GPR149: variants seen among roughly 807,000 people sequenced by gnomAD.
The protein encoded by GPR149 is probable G protein-coupled receptor 149.
In GPR149, 50 loss-of-function variants were observed where a neutral mutation model predicts 50.2. The ratio of observed to expected loss-of-function variants is 1.00; its 90% CI spans 0.79 to 1.26. GPR149 has a LOEUF of 1.26. GPR149 is among the 50% of genes most tolerant of loss of function. The pLI, the probability that GPR149 is intolerant of heterozygous loss-of-function variation, is 0.00. For synonymous variants in GPR149, 405 were observed against 358.2 expected, an observed-to-expected ratio of 1.13 and a Z score of -1.48; for missense variants, 983 against 895.4, an observed-to-expected ratio of 1.10 and a Z score of -1.25.
chr3:154,340,945 C>A (rs935147156), intron 3 of GPR149, among the ~76,000 whole-genome samples: 3 of 152,126 alleles, frequency 2.0e-5, no homozygotes, highest in African/African-American at 7.2e-5. Context: ...TGGTCTCGAA[C>A]TCCTGACCTC....
intron 2 of GPR149, among the ~76,000 whole-genome samples, chr3:154,423,915 T>C (rs565709795): frequency 6.6e-6 from 1 of 151,932 alleles, no homozygotes; most frequent in South Asian, 2.1e-4. Context: ...TTGTTACATA[T>C]GTATACATGT....
intron 3 of GPR149, among the ~76,000 whole-genome samples, chr3:154,410,069 C>T (rs1426875817): frequency 6.6e-6 from 1 of 152,104 alleles, no homozygotes; most frequent in Admixed American, 6.5e-5. Context: ...GGATTGGGGT[C>T]CTACTTTTAG....
In GPR149 at chr3:154,429,874, A is replaced by C. The variant is rs746890540; in HGVS notation, c.-259T>G. Among the ~76,000 whole-genome samples the C allele has an allele frequency of 2.0e-5, 3 of 152,116 alleles. No individual in the cohort carries two copies. Among genetic ancestry groups the C allele is most frequent in the Non-Finnish European group, 4.4e-5 (3 of 68,022 alleles). Reference sequence around the variant, plus strand: ...TTTTCAACATTCCAATTAAAAACAAAGCAAAAACTCCTTCCCACCATCAAG... The same window carrying C: ...TTTTCAACATTCCAATTAAAAACAACGCAAAAACTCCTTCCCACCATCAAG... On this transcript the variant is annotated 5_prime_UTR_variant, in exon 1 of 4. Transcript: ENST00000389740.
intron 3 of GPR149, chr3:154,352,128 T>C (rs1297228864): frequency 1.4e-6 from 1 of 690,014 alleles, no homozygotes; most frequent in African/African-American, 1.8e-5. Flanking sequence ...AGATTAAGTA[T>C]CAAATATTCA....
chr3:154,342,217 G>A (rs1369576295), intron 3 of GPR149, among the ~76,000 whole-genome samples: 1 of 152,050 alleles, frequency 6.6e-6, no homozygotes, highest in East Asian at 1.9e-4. Flanking sequence ...AAAAGTGAAA[G>A]ACTAAAGGCA....
Position 154,414,204 on chromosome 3 carries a change from C to A in GPR149, c.1623+6835G>T, listed in dbSNP as rs565524395. Among the ~76,000 whole-genome samples the A allele has an allele frequency of 1.8e-3, 268 of 152,024 alleles. 2 individuals carry two copies. The highest frequency in any genetic ancestry group is 2.9e-3 in the Non-Finnish European group (196 of 67,924). The stretch of plus-strand genomic sequence containing the variant: ...GGGCTAAAAGACTGCACATTGGGTA[C>A]AGTGTACACTACTCGGGTGATGGGT... On this transcript the variant is annotated intron_variant, in intron 3 of 3. Coordinates refer to ENST00000389740, the MANE Select transcript of GPR149 (RefSeq NM_001038705.3).
At chr3:154,416,867 G>C (rs1250803564) in intron 3 of GPR149, among the ~76,000 whole-genome samples, 6 of 151,904 alleles carry the variant, frequency 3.9e-5, no homozygotes, top group Admixed American at 2.6e-4. Context: ...GCACCTTACA[G>C]ATCCTATAAT....
intron 3 of GPR149, among the ~76,000 whole-genome samples, chr3:154,355,321 C>T (rs184713402): frequency 2.4e-3 from 366 of 152,276 alleles, no homozygotes; most frequent in Middle Eastern, 0.01. Context: ...CCACCACGCC[C>T]GGCCACTTCA....
intron 3 of GPR149, among the ~76,000 whole-genome samples, chr3:154,347,640 C>A (rs1022649164): frequency 1.3e-5 from 2 of 152,176 alleles, no homozygotes; most frequent in Non-Finnish European, 2.9e-5. Context: ...TTACATTTTA[C>A]AGACAAACAA....
chr3:154,382,865 AT>A (rs1475521134), intron 3 of GPR149, among the ~76,000 whole-genome samples: 1 of 152,240 alleles, frequency 6.6e-6, no homozygotes, highest in Non-Finnish European at 1.5e-5. Context: ...AATTTATTAC[AT>A]TCAGTGAATT....
intron 3 of GPR149, among the ~76,000 whole-genome samples, chr3:154,418,552 A>C (rs1434707180): frequency 1.4e-5 from 1 of 71,254 alleles, no homozygotes; most frequent in East Asian, 2.8e-4. Context: ...GTTCTCAGTA[A>C]ACTATCTCAA....
At position 154,352,749 on chromosome 3, in the gene GPR149, G is replaced by A. The variant is rs1196260256; in HGVS notation, c.1624-14478C>T. On this transcript the variant is annotated intron_variant, in intron 3 of 3. Coordinates refer to ENST00000389740, the MANE Select transcript of GPR149 (RefSeq NM_001038705.3). The stretch of plus-strand genomic sequence containing the variant: ...AAGAAACGGAAGTCAGAAACCTGAT[G>A]GTATCCATGCTTTTAGATTTAACTA... 8.9e-6 allele frequency: 7 copies of A among 790,156 alleles called. No individual in the cohort carries two copies. The East Asian group carries it at 1.7e-4, about 19-fold the overall frequency. The allele number at this position is 790,156 out of a possible 1,614,324, so 48.9% of individuals were successfully genotyped here. A position where few individuals can be genotyped will look rare whatever the true frequency, so the allele number is the denominator to read the frequency against.
At chr3:154,424,954 G>A (rs568281765) in intron 2 of GPR149, among the ~76,000 whole-genome samples, 19 of 150,948 alleles carry the variant, frequency 1.3e-4, no homozygotes, top group African/African-American at 1.9e-4. Flanking sequence ...TTTAAAAAAC[G>A]TCATGTCAGG....
chr3:154,353,683 C>A, intron 3 of GPR149: 2 of 1,330,898 alleles, frequency 1.5e-6, no homozygotes, highest in Non-Finnish European at 2.1e-6. Flanking sequence ...CTTGCTGGAG[C>A]CAAAACAAGT....
At chr3:154,397,352 G>A (rs779079802) in intron 3 of GPR149, among the ~76,000 whole-genome samples, 4 of 152,126 alleles carry the variant, frequency 2.6e-5, no homozygotes, top group Non-Finnish European at 5.9e-5. Context: ...GACTTTGGTT[G>A]TTTTTGAATG....
At chr3:154,414,839 A>G (rs768273239) in intron 3 of GPR149, among the ~76,000 whole-genome samples, 1 of 151,978 alleles carries the variant, frequency 6.6e-6, no homozygotes, top group Admixed American at 6.6e-5. Context: ...GAAACAAAGA[A>G]AGACTGAGAA....
At chr3:154,413,174 T>C (rs1173593829) in intron 3 of GPR149, among the ~76,000 whole-genome samples, 1 of 152,022 alleles carries the variant, frequency 6.6e-6, no homozygotes, top group African/African-American at 2.4e-5. Flanking sequence ...AAGACTTAAA[T>C]CTAAGACCTG....
At chr3:154,400,164 T>C (rs1389391825) in intron 3 of GPR149, among the ~76,000 whole-genome samples, 2 of 151,876 alleles carry the variant, frequency 1.3e-5, no homozygotes, top group African/African-American at 4.8e-5. Context: ...TTTTCTGTAT[T>C]TTTAGTAGAG....
intron 3 of GPR149, among the ~76,000 whole-genome samples, chr3:154,356,444 C>T (rs1714226653): frequency 1.3e-5 from 2 of 152,114 alleles, no homozygotes; most frequent in South Asian, 4.1e-4. Context: ...ATCGTCTCAG[C>T]CCAAAATCTT....
Sources: allele counts gnomAD v4.1 joint callset (sites outside exome capture counted in the v4.1 genomes callset), GRCh38; gene constraint gnomAD v4.1.1; transcripts MANE v1.5; gene names NCBI Gene and HGNC (gene_info 2026-07-23, HGNC 2026-07-21).